Variants in LYG1 observed in about 807,000 individuals in gnomAD.
The protein encoded by LYG1 is lysozyme g1, also known as lysozyme g-like protein 1.
A neutral mutation model predicts 21.7 loss-of-function variants in LYG1; 17 were observed. The ratio of observed to expected loss-of-function variants is 0.78; its 90% CI spans 0.54 to 1.18. LYG1 has a LOEUF of 1.18. Ranked by LOEUF, LYG1 falls within the 50% of genes most tolerant of loss-of-function variation. LYG1 has a pLI of 0.00. For missense variants in LYG1, 211 were observed against 238.1 expected (o/e 0.89, Z 0.75); for synonymous variants, 81 against 87.4 (o/e 0.93, Z 0.41).
At position 99,292,610 on chromosome 2, in the gene LYG1, T is replaced by C. The variant is rs2094123136; in HGVS notation, c.74A>G (p.Tyr25Cys). The change falls in exon 4 of 7, where the codon TAT becomes TGT. Residue 25 changes from tyrosine to cysteine, a missense_variant. Tyr to Cys is a radical substitution (Grantham distance 194). Transcript: ENST00000308528. ...GGTGTCCAGGCTTTGGATGTTTCCA[T>C]AGCATCCCCAGTTGCTGCTTTCAGA... Reference protein sequence around the residue: ...DLSESSNWGCYGNIQSLDTPG... With the variant: ...DLSESSNWGCCGNIQSLDTPG... 6.2e-7 allele frequency: 1 copy of C among 1,614,150 alleles called. No individual in the cohort carries two copies. The highest frequency in any genetic ancestry group is 8.5e-7 in the Non-Finnish European group (1 of 1,179,970).
upstream of LYG1, among the ~76,000 whole-genome samples, chr2:99,304,365 A>C (rs936930781): frequency 6.6e-5 from 10 of 152,038 alleles, no homozygotes; most frequent in Non-Finnish European, 1.2e-4. Context: ...CATGCCTTTC[A>C]CCTTCCGCCA....
intron 2 of LYG1, among the ~76,000 whole-genome samples, chr2:99,297,187 T>A (rs1287870354): frequency 2.6e-5 from 4 of 152,196 alleles, no homozygotes; most frequent in Non-Finnish European, 4.4e-5. Flanking sequence ...CCAAAAAGAT[T>A]CAGGGACCTG....
At chr2:99,299,083 C>T (rs1051652161) in intron 1 of LYG1, among the ~76,000 whole-genome samples, 3 of 151,622 alleles carry the variant, frequency 2.0e-5, no homozygotes, top group Admixed American at 2.0e-4. Flanking sequence ...AGGCACTCCA[C>T]GCCCAGCTAA....
At chr2:99,295,139 G>A (rs539728796) in intron 3 of LYG1, among the ~76,000 whole-genome samples, 5 of 152,120 alleles carry the variant, frequency 3.3e-5, no homozygotes, top group Admixed American at 2.6e-4. Flanking sequence ...ACAAAAACAA[G>A]TACTTTCCCT....
At chr2:99,301,402 A>T (rs1187170034), upstream of LYG1, among the ~76,000 whole-genome samples, 2 of 149,452 alleles carry the variant, frequency 1.3e-5, no homozygotes, top group African/African-American at 5.0e-5. Flanking sequence ...GAAGAGAGAG[A>T]GAAAGAGAGA....
intron 4 of LYG1, among the ~76,000 whole-genome samples, chr2:99,291,751 G>A (rs1410778389): frequency 6.6e-6 from 1 of 152,130 alleles, no homozygotes; most frequent in Non-Finnish European, 1.5e-5. Flanking sequence ...CCAATAAAAT[G>A]AAATGTGCCT....
chr2:99,293,047 A>G (rs1358738129), intron 3 of LYG1, among the ~76,000 whole-genome samples: 1 of 129,288 alleles, frequency 7.7e-6, no homozygotes, highest in Non-Finnish European at 1.5e-5. Flanking sequence ...TCTGGAGTGC[A>G]GTGGCACGAT....
At position 99,288,871 on chromosome 2, in the gene LYG1, C is replaced by T. The variant is rs138661387; in HGVS notation, c.333+2366G>A. Among the ~76,000 whole-genome samples the T allele has an allele frequency of 1.6e-4, 24 of 152,246 alleles. No individual in the cohort carries two copies. In the East Asian group the frequency reaches 4.4e-3, roughly 28 times the overall value. On this transcript the variant is annotated intron_variant, in intron 5 of 6. Coordinates refer to ENST00000308528, the MANE Select transcript of LYG1 (RefSeq NM_174898.3). ...AAAGACGTGAGCCACTGTGCCCAGC[C>T]TATTTTGTAACCGAAACTATGTCTC...
intron 5 of LYG1, among the ~76,000 whole-genome samples, chr2:99,290,859 G>C (rs571881192): frequency 6.6e-6 from 1 of 152,264 alleles, no homozygotes; most frequent in South Asian, 2.1e-4. Context: ...TAATAATGCT[G>C]TAAGAATGGC....
chr2:99,292,668 G>C lies in LYG1; in HGVS notation c.44-28C>G, dbSNP rs370628968. On this transcript the variant is annotated intron_variant, in intron 3 of 6. Coordinates refer to ENST00000308528, the MANE Select transcript of LYG1 (RefSeq NM_174898.3). ...ACAAGTTGAGAAAAGTTCAGCCTAA[G>C]GCATGGAACTAGTTCTCATCATTCT... 3.5e-5 allele frequency: 50 copies of C among 1,413,098 alleles called. No individual in the cohort carries two copies. In the African/African-American group the frequency reaches 6.8e-4, roughly 19 times the overall value. 87.5% of individuals were successfully genotyped at this position (1,413,098 alleles called of 1,614,324 possible).
chr2:99,304,698 T>C (rs533030503), upstream of LYG1: 25 of 152,310 alleles, frequency 1.6e-4, no homozygotes, highest in African/African-American at 5.5e-4. Context: ...TCCAACACTT[T>C]AGGAGGTCAA....
chr2:99,302,704 G>A (rs2094158129), upstream of LYG1, among the ~76,000 whole-genome samples: 1 of 152,172 alleles, frequency 6.6e-6, no homozygotes, highest in South Asian at 2.1e-4. Context: ...CATCCCCAGT[G>A]CAGACATTGA....
In LYG1 at chr2:99,284,783, T is replaced by C; in HGVS notation, c.371A>G (p.Glu124Gly). Residue 124 changes from glutamate to glycine, a missense_variant, in exon 6 of 7, where the codon GAG (glutamate) becomes GGG (glycine). By Grantham distance (98) the Glu-to-Gly change is moderately conservative. Transcript: ENST00000308528. ...TTCAGTTGTCTGGGAAACCTGAGAC[T>C]CACTAATCCAGGATGTGGGAGCTTG... ...GSQAPTSWISESQVSQTTEVL... is the reference protein window; with the variant it reads ...GSQAPTSWISGSQVSQTTEVL... The C allele has an allele frequency of 6.2e-7, 1 of 1,613,556 alleles. No individual in the cohort carries two copies. Among genetic ancestry groups the C allele is most frequent in the Non-Finnish European group, 8.5e-7 (1 of 1,179,970 alleles).
intron 1 of LYG1, among the ~76,000 whole-genome samples, chr2:99,299,545 C>T (rs1485435715): frequency 6.6e-6 from 1 of 151,246 alleles, no homozygotes; most frequent in Non-Finnish European, 1.5e-5. Context: ...CTGCCTCAGC[C>T]TCCTGAGTAG....
At chr2:99,293,274 G>A (rs1308846484) in intron 3 of LYG1, among the ~76,000 whole-genome samples, 3 of 152,140 alleles carry the variant, frequency 2.0e-5, no homozygotes, top group Admixed American at 6.5e-5. Flanking sequence ...TCACAGGCGT[G>A]AGCCACCGCG....
chr2:99,289,310 A>G (rs1255777944), intron 5 of LYG1, among the ~76,000 whole-genome samples: 1 of 151,860 alleles, frequency 6.6e-6, no homozygotes, highest in Non-Finnish European at 1.5e-5. Flanking sequence ...AAATACAAAC[A>G]TTAGCCAGGC....
chr2:99,295,364 C>G (rs1326256858), intron 3 of LYG1, among the ~76,000 whole-genome samples: 1 of 152,148 alleles, frequency 6.6e-6, no homozygotes, highest in Non-Finnish European at 1.5e-5. Flanking sequence ...GGACAATGAG[C>G]AGCTATTGAT....
intron 4 of LYG1, among the ~76,000 whole-genome samples, chr2:99,292,320 C>A (rs931037650): frequency 3.9e-5 from 6 of 151,982 alleles, no homozygotes; most frequent in Admixed American, 3.9e-4. Flanking sequence ...TAAAAAGCAC[C>A]CTTGTCCACA....
chr2:99,293,030 C>T (rs1574885181), intron 3 of LYG1, among the ~76,000 whole-genome samples: 2 of 116,074 alleles, frequency 1.7e-5, no homozygotes, highest in South Asian at 5.5e-4. Flanking sequence ...CTGGCTCTGT[C>T]GCCTAGTCTG....
Sources: gnomAD v4.1 joint callset for allele counts (sites outside exome capture counted in the v4.1 genomes callset) on GRCh38, gnomAD v4.1.1 for gene constraint, MANE v1.5 for transcripts, NCBI Gene and HGNC (gene_info 2026-07-23, HGNC 2026-07-21) for gene names.